PCDHA5: variants seen among roughly 807,000 people sequenced by gnomAD.
PCDHA5 encodes the protein protocadherin alpha 5.
A neutral mutation model predicts 61.6 loss-of-function variants in PCDHA5; 43 were observed. The ratio of observed to expected loss-of-function variants is 0.70; its 90% CI spans 0.55 to 0.90. The LOEUF (loss-of-function observed/expected upper bound fraction) is 0.90, where lower values mean the gene tolerates loss of function less well. PCDHA5 is among the 40% of genes least tolerant of loss of function. PCDHA5 has a pLI of 0.00. For missense variants in PCDHA5, 1,298 were observed against 1,222.7 expected (o/e 1.06, Z -0.92); for synonymous variants, 627 against 543.9 (o/e 1.15, Z -2.13).
At chr5:140,967,519 C>T (rs147791062) in intron 1 of PCDHA5, 1 of 1,612,804 alleles carries the variant, frequency 6.2e-7, no homozygotes, top group Non-Finnish European at 8.5e-7. Flanking sequence ...TGGACACTAA[C>T]GACAACTCTC....
intron 1 of PCDHA5, among the ~76,000 whole-genome samples, chr5:140,890,896 T>A (rs2062845405): frequency 6.6e-6 from 1 of 152,182 alleles, no homozygotes; most frequent in African/African-American, 2.4e-5. Context: ...ATTATTGTCT[T>A]TCCATGTTAG....
intron 1 of PCDHA5, chr5:140,875,983 G>A: frequency 6.2e-7 from 1 of 1,613,992 alleles, no homozygotes; most frequent in Non-Finnish European, 8.5e-7. Context: ...TTTGACCTAT[G>A]CGTTAAGTCT....
chr5:140,890,915 G>A (rs1169684735), intron 1 of PCDHA5, among the ~76,000 whole-genome samples: 4 of 152,116 alleles, frequency 2.6e-5, no homozygotes, highest in African/African-American at 9.7e-5. Flanking sequence ...AGAATAATTT[G>A]AGAGTTTCCT....
rs782349051 is a variant in PCDHA5, at chr5:140,857,178, A to G, written c.2352+33051A>G. 8.1e-6 allele frequency: 13 copies of G among 1,598,358 alleles called. No individual in the cohort carries two copies. The South Asian group carries it at 1.3e-4, about 16-fold the overall frequency. On this transcript the variant is annotated intron_variant, in intron 1 of 3. Transcript: ENST00000529859. The stretch of plus-strand genomic sequence containing the variant: ...GCCCTAATCAGCGTTTCTGACCATG[A>G]TTCAGGAGCCAACGGACAGGTCACC...
chr5:140,978,974 G>T lies in PCDHA5; in HGVS notation c.2378G>T (p.Arg793Leu). ...DNPRQPNPDW[R>L]YSASLRAGMH... is the part of the protein sequence containing the mutation. ...CCACGACAGCCCAACCCTGACTGGC[G>T]TTACTCTGCCTCCCTGAGAGCAGGC... Residue 793 changes from arginine to leucine, a missense_variant, in exon 2 of 4, where the codon CGT becomes CTT. Arg to Leu is a moderately radical substitution (Grantham distance 102, BLOSUM62 -2). Coordinates refer to ENST00000529859, the MANE Select transcript of PCDHA5 (RefSeq NM_018908.3). 6.2e-7 allele frequency: 1 copy of T among 1,614,130 alleles called. No individual in the cohort carries two copies. Among genetic ancestry groups the T allele is most frequent in the East Asian group, 2.2e-5 (1 of 44,882 alleles).
At chr5:140,978,486 G>T (rs1289847782) in intron 1 of PCDHA5, among the ~76,000 whole-genome samples, 1 of 152,248 alleles carries the variant, frequency 6.6e-6, no homozygotes, top group Admixed American at 6.5e-5. Flanking sequence ...AGTCTGCAAA[G>T]CCAGCAGCAG....
intron 3 of PCDHA5, among the ~76,000 whole-genome samples, chr5:141,004,948 C>T (rs1356526927): frequency 6.6e-6 from 1 of 152,236 alleles, no homozygotes; most frequent in African/African-American, 2.4e-5. Context: ...TTCTTACCCT[C>T]TCTCGTCACT....
At chr5:140,838,905 AC>A (rs1331540825) in intron 1 of PCDHA5, among the ~76,000 whole-genome samples, 1 of 151,998 alleles carries the variant, frequency 6.6e-6, no homozygotes, top group African/African-American at 2.4e-5. Context: ...ACAGAGCAAT[AC>A]CTTGCCTCAA....
At chr5:140,891,499 C>T (rs896936552) in intron 1 of PCDHA5, among the ~76,000 whole-genome samples, 1 of 151,838 alleles carries the variant, frequency 6.6e-6, no homozygotes, top group South Asian at 2.1e-4. Flanking sequence ...ATATCCTCAG[C>T]TATAATGTTC....
chr5:140,891,230 T>G (rs1192105465), intron 1 of PCDHA5, among the ~76,000 whole-genome samples: 1 of 152,232 alleles, frequency 6.6e-6, no homozygotes, highest in Non-Finnish European at 1.5e-5. Flanking sequence ...AATCATCCTG[T>G]TCTGGATTCA....
chr5:140,883,302 A>G, intron 1 of PCDHA5: 1 of 1,614,110 alleles, frequency 6.2e-7, no homozygotes, highest in Non-Finnish European at 8.5e-7. Flanking sequence ...GATGTAAATG[A>G]TAACGCCCCA....
chr5:140,829,449 C>A, intron 1 of PCDHA5: 4 of 1,613,926 alleles, frequency 2.5e-6, no homozygotes, highest in Non-Finnish European at 3.4e-6. Flanking sequence ...GACAATGCTC[C>A]GGCGTTCGCG....
At chr5:140,827,100 C>A (rs1769178412) in intron 1 of PCDHA5, among the ~76,000 whole-genome samples, 2 of 152,036 alleles carry the variant, frequency 1.3e-5, no homozygotes, top group Non-Finnish European at 2.9e-5. Context: ...TAGGAGTCAG[C>A]ATGTATAGGT....
chr5:140,883,494 T>C, intron 1 of PCDHA5: 1 of 1,614,208 alleles, frequency 6.2e-7, no homozygotes, highest in Non-Finnish European at 8.5e-7. Flanking sequence ...TCATTAGTGC[T>C]GGACAGCGCC....
intron 1 of PCDHA5, among the ~76,000 whole-genome samples, chr5:140,949,916 A>G (rs1350647225): frequency 6.6e-6 from 1 of 150,834 alleles, no homozygotes; most frequent in African/African-American, 2.4e-5. Flanking sequence ...AGATATAACT[A>G]TTTTTAGATT....
chr5:140,905,163 G>A (rs782288723), intron 1 of PCDHA5, among the ~76,000 whole-genome samples: 30 of 152,274 alleles, frequency 2.0e-4, no homozygotes, highest in African/African-American at 7.0e-4. Flanking sequence ...AATTTTCATG[G>A]TTTCAGGTTT....
At chr5:140,965,237 G>A (rs2095882583) in intron 1 of PCDHA5, among the ~76,000 whole-genome samples, 1 of 152,204 alleles carries the variant, frequency 6.6e-6, no homozygotes, top group African/African-American at 2.4e-5. Context: ...AACCTGGGAA[G>A]AGTGAATATT....
intron 1 of PCDHA5, chr5:140,929,053 T>C (rs781847457): frequency 6.2e-7 from 1 of 1,614,182 alleles, no homozygotes; most frequent in Non-Finnish European, 8.5e-7. Flanking sequence ...CTGCTGTCGC[T>C]CTACAGAGGA....
chr5:140,956,921 G>T (rs2095321008), intron 1 of PCDHA5, among the ~76,000 whole-genome samples: 1 of 151,968 alleles, frequency 6.6e-6, no homozygotes, highest in Admixed American at 6.6e-5. Context: ...CTTTAATCTT[G>T]CTGGATATAG....
Sources: gnomAD v4.1 joint callset for allele counts (sites outside exome capture counted in the v4.1 genomes callset) on GRCh38, gnomAD v4.1.1 for gene constraint, MANE v1.5 for transcripts, NCBI Gene and HGNC (gene_info 2026-07-23, HGNC 2026-07-21) for gene names.